RUFY1: variants seen among roughly 807,000 people sequenced by gnomAD.
The protein encoded by RUFY1 is RUN and FYVE domain-containing protein 1.
Under a neutral mutation model 94.6 loss-of-function variants are expected in RUFY1, and 54 were observed. The ratio of observed to expected loss-of-function variants is 0.57; its 90% CI spans 0.46 to 0.72. RUFY1 has a LOEUF of 0.72. Among genes scored for constraint, RUFY1 ranks in the 30% least tolerant of loss-of-function variants. The pLI is 0.00. For synonymous variants in RUFY1, 396 were observed against 347.3 expected (o/e 1.14, Z -1.56); for missense variants, 883 against 883.9 (o/e 1.00, Z 0.01).
At chr5:179,579,657 C>CTTTTTCTTTTTTTTTTTTTTT (rs1554118792) in intron 6 of RUFY1, among the ~76,000 whole-genome samples, 16 of 50,548 alleles carry the variant, frequency 3.2e-4, no homozygotes, top group South Asian at 2.7e-3. Context: ...TTTTCTTCTT[C>CTTTTTCTTTTTTTTTTTTTTT]TTTTTTTTTT....
At chr5:179,587,803 G>A (rs898719418) in intron 8 of RUFY1, among the ~76,000 whole-genome samples, 2 of 151,844 alleles carry the variant, frequency 1.3e-5, no homozygotes, top group African/African-American at 2.4e-5. Context: ...AGGCCAAGGT[G>A]GAAGACTTGC....
At chr5:179,565,040 T>C (rs556093943) in intron 3 of RUFY1, among the ~76,000 whole-genome samples, 1 of 152,100 alleles carries the variant, frequency 6.6e-6, no homozygotes, top group Non-Finnish European at 1.5e-5. Flanking sequence ...CCTGTTTTCA[T>C]GTGTAGAAAC....
Position 179,601,783 on chromosome 5 carries a change from C to T in RUFY1, c.1762-109C>T, listed in dbSNP as rs1379855158. ...GCAGTGAGCCAAGATCGTGCCACTG[C>T]ACTCCAGCCTGGCAACAGAGCAAGA... is the stretch of plus-strand genomic sequence containing the variant. On this transcript the variant is annotated intron_variant, in intron 14 of 17. Coordinates refer to ENST00000319449, the MANE Select transcript of RUFY1 (RefSeq NM_025158.5). 1.5e-5 allele frequency: 12 copies of T among 795,874 alleles called. No homozygotes were observed. In the Admixed American group the frequency reaches 1.7e-4, roughly 11 times the overall value. 49.3% of individuals were successfully genotyped at this position (795,874 alleles called of 1,614,324 possible).
intron 7 of RUFY1, among the ~76,000 whole-genome samples, chr5:179,584,795 G>A (rs1764466665): frequency 6.6e-6 from 1 of 151,826 alleles, no homozygotes; most frequent in Non-Finnish European, 1.5e-5. Flanking sequence ...AGTAGTACAT[G>A]TTATTAAATA....
chr5:179,572,635 C>T (rs1581459560), intron 5 of RUFY1: 1 of 205,664 alleles, frequency 4.9e-6, no homozygotes, highest in Non-Finnish European at 1.0e-5. Flanking sequence ...TCCAGGCATT[C>T]CAGTACGCAG....
intron 5 of RUFY1, among the ~76,000 whole-genome samples, chr5:179,575,033 AC>A (rs964741402): frequency 9.5e-6 from 1 of 105,652 alleles, no homozygotes; most frequent in Non-Finnish European, 1.9e-5. Context: ...TTCTCACCCC[AC>A]CCCCCGCCCC....
chr5:179,562,476 G>A, intron 2 of RUFY1, 71 bp from the exon 3 acceptor site: 1 of 821,472 alleles, frequency 1.2e-6, no homozygotes, highest in Non-Finnish European at 2.1e-6. Context: ...CTTTTGTGGG[G>A]AGAGGCTGTG....
At position 179,596,623 on chromosome 5, in the gene RUFY1, G is replaced by C; in HGVS notation, c.1573G>C (p.Glu525Gln). ...AEERSHKLQQ[E>Q]LGGRIGALQL... is the part of the protein sequence containing the mutation. ...GGAGCGGAGCCACAAGCTGCAGCAG[G>C]AGCTGGGCGGGAGGATCGGCGCCCT... The change falls in exon 13 of 18, where the codon GAG becomes CAG. Residue 525 changes from glutamate (E) to glutamine (Q), a missense_variant. Physicochemically the swap from Glu to Gln is conservative, Grantham distance 29. Coordinates refer to ENST00000319449, the MANE Select transcript of RUFY1 (RefSeq NM_025158.5). The C allele has an allele frequency of 2.5e-6, 4 of 1,613,042 alleles. No individual in the cohort carries two copies. Among genetic ancestry groups the C allele is most frequent in the Non-Finnish European group, 3.4e-6 (4 of 1,179,896 alleles).
At chr5:179,575,538 T>C (rs565516541) in intron 5 of RUFY1, among the ~76,000 whole-genome samples, 1 of 152,286 alleles carries the variant, frequency 6.6e-6, no homozygotes, top group East Asian at 1.9e-4. Flanking sequence ...TTGCCCTTTT[T>C]AACCTAGCTG....
chr5:179,567,610 G>C, intron 4 of RUFY1, 48 bp downstream of exon 4: 1 of 1,389,446 alleles, frequency 7.2e-7, no homozygotes, highest in Non-Finnish European at 1.0e-6. Context: ...TAAATAATTA[G>C]AACATAGGCT....
intron 7 of RUFY1, among the ~76,000 whole-genome samples, chr5:179,583,766 T>C (rs1314278192): frequency 5.3e-5 from 8 of 149,956 alleles, no homozygotes; most frequent in African/African-American, 2.0e-4. Context: ...TTTTATTTTT[T>C]TGAGACAGAG....
chr5:179,578,606 C>T (rs1006596450), intron 6 of RUFY1, among the ~76,000 whole-genome samples: 4 of 151,958 alleles, frequency 2.6e-5, no homozygotes, highest in African/African-American at 9.7e-5. Flanking sequence ...GGGAAAAAAA[C>T]AATGTATAAC....
intron 1 of RUFY1, among the ~76,000 whole-genome samples, chr5:179,557,086 A>C (rs1424467465): frequency 2.0e-5 from 3 of 152,200 alleles, no homozygotes; most frequent in Non-Finnish European, 4.4e-5. Flanking sequence ...TCATATTAAG[A>C]AAATTTCTCA....
chr5:179,579,078 C>T (rs1034235052), intron 6 of RUFY1, among the ~76,000 whole-genome samples: 1 of 152,156 alleles, frequency 6.6e-6, no homozygotes, highest in African/African-American at 2.4e-5. Flanking sequence ...AGGGGGTTTT[C>T]ACTGTAAACC....
At chr5:179,559,783 C>T in intron 1 of RUFY1, 1 of 1,263,084 alleles carries the variant, frequency 7.9e-7, no homozygotes, top group Non-Finnish European at 1.0e-6. Context: ...CTGGGAGAGG[C>T]CTCTGGAGCA....
chr5:179,569,509 A>G, intron 5 of RUFY1, 84 bp downstream of exon 5: 1 of 1,401,576 alleles, frequency 7.1e-7, no homozygotes, highest in Non-Finnish European at 1.0e-6. Flanking sequence ...ACTGAACCCA[A>G]AGAAGGGCAA....
At chr5:179,569,888 G>A (rs1046558215) in intron 5 of RUFY1, among the ~76,000 whole-genome samples, 2 of 152,156 alleles carry the variant, frequency 1.3e-5, no homozygotes, top group Non-Finnish European at 2.9e-5. Context: ...GGGACCACAG[G>A]TGCCCGCCAC....
chr5:179,561,220 TAAATA>T (rs1561965881), intron 2 of RUFY1, among the ~76,000 whole-genome samples: 13 of 139,480 alleles, frequency 9.3e-5, no homozygotes, highest in African/African-American at 1.6e-4. Context: ...CAAAAATAAA[TAAATA>T]AATAAATTAA....
chr5:179,571,048 A>G (rs1217499609), intron 5 of RUFY1, among the ~76,000 whole-genome samples: 13 of 152,230 alleles, frequency 8.5e-5, no homozygotes, highest in Admixed American at 8.5e-4. Context: ...TATTTTAAGC[A>G]CACCATTTTG....
Sources: gnomAD v4.1 joint callset for allele counts (sites outside exome capture counted in the v4.1 genomes callset) on GRCh38, gnomAD v4.1.1 for gene constraint, MANE v1.5 for transcripts, NCBI Gene and HGNC (gene_info 2026-07-23, HGNC 2026-07-21) for gene names.